ZNF385D: variants seen among roughly 807,000 people sequenced by gnomAD.
The protein encoded by ZNF385D is zinc finger protein 659.
In ZNF385D, 15 loss-of-function variants were observed where a neutral mutation model predicts 35.8. The ratio of observed to expected loss-of-function variants is 0.42; its 90% CI spans 0.28 to 0.64. The LOEUF is 0.64. ZNF385D is among the 30% of genes least tolerant of loss of function. ZNF385D has a pLI of 0.23. For missense variants in ZNF385D, 474 were observed against 494.6 expected (o/e 0.96, Z 0.39); for synonymous variants, 212 against 186.8 (o/e 1.13, Z -1.10).
rs114562399 is a variant in ZNF385D at position 22,302,701 on chromosome 3, T to C, written c.106+69749A>G. Among the ~76,000 whole-genome samples, 736 of 152,168 alleles carry C rather than the reference T, an allele frequency of 4.8e-3. 8 individuals carry two copies. The highest frequency in any genetic ancestry group is 0.016 in the African/African-American group (674 of 41,556). On this transcript the variant is annotated intron_variant, in intron 2 of 5. Coordinates refer to the ZNF385D transcript ENST00000494108. ...TAGAGATAATTAAGATAACTACCAT[T>C]TTAGATATTGTATTCTTGCACATGG...
intron 6 of ZNF385D, among the ~76,000 whole-genome samples, chr3:21,425,007 A>C (rs1176351957): frequency 2.0e-5 from 3 of 152,222 alleles, no homozygotes; most frequent in African/African-American, 7.2e-5. Context: ...TTCCTATTGC[A>C]GGTGGCTGCA....
At chr3:22,069,574 G>A (rs1404572725) in intron 3 of ZNF385D, among the ~76,000 whole-genome samples, 1 of 152,202 alleles carries the variant, frequency 6.6e-6, no homozygotes, top group African/African-American at 2.4e-5. Context: ...GATGGCATAA[G>A]TATATCTGTG....
chr3:22,285,207 CTG>C (rs1701963604), intron 2 of ZNF385D, among the ~76,000 whole-genome samples: 1 of 152,126 alleles, frequency 6.6e-6, no homozygotes, highest in South Asian at 2.1e-4. Flanking sequence ...ACAGGTTACT[CTG>C]TATGTGATTC....
intron 2 of ZNF385D, among the ~76,000 whole-genome samples, chr3:22,231,504 G>A (rs554372779): frequency 1.4e-4 from 21 of 152,234 alleles, no homozygotes; most frequent in South Asian, 1.0e-3. Flanking sequence ...ACAAGAGGCC[G>A]TCTGAACAGC....
chr3:21,968,148 C>CTGCCCA (rs904399964), intron 3 of ZNF385D, among the ~76,000 whole-genome samples: 9 of 152,094 alleles, frequency 5.9e-5, no homozygotes, highest in Admixed American at 2.6e-4. Flanking sequence ...GAATTCAGTG[C>CTGCCCA]TGCCCAGTCA....
intron 4 of ZNF385D, among the ~76,000 whole-genome samples, chr3:21,503,675 T>C (rs1232710480): frequency 6.6e-6 from 1 of 152,180 alleles, no homozygotes; most frequent in Non-Finnish European, 1.5e-5. Context: ...TTTGTGACCT[T>C]AAAATTGACT....
intron 3 of ZNF385D, among the ~76,000 whole-genome samples, chr3:21,562,997 GT>G (rs2063009759): frequency 6.6e-6 from 1 of 152,044 alleles, no homozygotes; most frequent in Admixed American, 6.5e-5. Flanking sequence ...ATTCTTTTTG[GT>G]TTTTAGCAGC....
intron 2 of ZNF385D, among the ~76,000 whole-genome samples, chr3:22,217,668 G>C (rs531877096): frequency 6.6e-6 from 1 of 152,202 alleles, no homozygotes; most frequent in African/African-American, 2.4e-5. Flanking sequence ...AACATTCTAA[G>C]GTACATTACA....
intron 2 of ZNF385D, among the ~76,000 whole-genome samples, chr3:21,632,181 A>G (rs1317337337): frequency 6.6e-6 from 1 of 152,108 alleles, no homozygotes; most frequent in African/African-American, 2.4e-5. Flanking sequence ...TTACAATAAC[A>G]TTTCTACCCT....
chr3:22,121,837 C>A (rs1703104628), intron 3 of ZNF385D, among the ~76,000 whole-genome samples: 1 of 152,058 alleles, frequency 6.6e-6, no homozygotes, highest in African/African-American at 2.4e-5. Flanking sequence ...ATAGACTCTA[C>A]ATCCCTCACT....
At chr3:21,592,684 T>C (rs1353745593) in intron 2 of ZNF385D, among the ~76,000 whole-genome samples, 1 of 152,134 alleles carries the variant, frequency 6.6e-6, no homozygotes, top group East Asian at 1.9e-4. Context: ...AATCAGATCG[T>C]TTAGAGGAGA....
intron 2 of ZNF385D, among the ~76,000 whole-genome samples, chr3:22,351,803 C>T (rs182145938): frequency 3.3e-5 from 5 of 152,222 alleles, no homozygotes; most frequent in Admixed American, 2.6e-4. Context: ...ATCTGAATTG[C>T]TTGCCCTCCA....
At chr3:21,529,681 A>G (rs1428022598) in intron 3 of ZNF385D, among the ~76,000 whole-genome samples, 1 of 152,172 alleles carries the variant, frequency 6.6e-6, no homozygotes, top group African/African-American at 2.4e-5. Flanking sequence ...TAAAATCTTA[A>G]CACAACCTAG....
chr3:21,684,650 T>A (rs1370480655), intron 1 of ZNF385D, among the ~76,000 whole-genome samples: 1 of 152,142 alleles, frequency 6.6e-6, no homozygotes, highest in Non-Finnish European at 1.5e-5. Flanking sequence ...GGCATATCCA[T>A]AGTTTGATTT....
chr3:22,320,581 T>C (rs1370011155), intron 2 of ZNF385D, among the ~76,000 whole-genome samples: 1 of 150,652 alleles, frequency 6.6e-6, no homozygotes, highest in African/African-American at 2.4e-5. Flanking sequence ...TATGTTTGTA[T>C]AGAAGTAACA....
At chr3:22,328,960 C>T (rs1694805138) in intron 2 of ZNF385D, among the ~76,000 whole-genome samples, 1 of 151,486 alleles carries the variant, frequency 6.6e-6, no homozygotes, top group South Asian at 2.1e-4. Context: ...GCCTGTAGTC[C>T]CACCTACTTG....
At position 22,009,200 on chromosome 3, in the gene ZNF385D, G is replaced by C. The variant is rs189626206; in HGVS notation, c.325+159617C>G. 2.8e-4 allele frequency among the ~76,000 whole-genome samples: 43 copies of C among 152,142 alleles called. No individual in the cohort carries two copies. The East Asian group carries it at 8.3e-3, about 29-fold the overall frequency. ...TAGGTATACAGCCTATTAAAATTTT[G>C]TGTAAAAAATGTGATTCCAGTAATG... On this transcript the variant is annotated intron_variant, in intron 3 of 5. Transcript: ENST00000494108.
At chr3:21,726,654 G>C (rs763006590) in intron 1 of ZNF385D, among the ~76,000 whole-genome samples, 24 of 152,244 alleles carry the variant, frequency 1.6e-4, no homozygotes, top group Non-Finnish European at 3.1e-4. Flanking sequence ...ACAAACCACT[G>C]ATCAAGGAAA....
intron 2 of ZNF385D, among the ~76,000 whole-genome samples, chr3:21,607,896 T>C (rs146761680): frequency 0.022 from 3,380 of 152,260 alleles, 56 homozygotes; most frequent in Middle Eastern, 0.037. Context: ...TTTCCTACTT[T>C]TGAGTTTTCA....
Sources: allele counts gnomAD v4.1 joint callset (sites outside exome capture counted in the v4.1 genomes callset), GRCh38; gene constraint gnomAD v4.1.1; transcripts MANE v1.5; gene names NCBI Gene and HGNC (gene_info 2026-07-23, HGNC 2026-07-21).